PRIM2: variants seen among roughly 807,000 people sequenced by gnomAD.
The protein encoded by PRIM2 is DNA primase subunit 2.
In PRIM2, 39 loss-of-function variants were observed where a neutral mutation model predicts 67.3. The observed-to-expected ratio is 0.58, with a 90% CI of 0.45 to 0.76. The LOEUF is 0.76. PRIM2 is among the 30% of genes least tolerant of loss of function. The pLI, the probability that PRIM2 is intolerant of heterozygous loss-of-function variation, is 0.00. For missense variants in PRIM2, 398 were observed against 598.7 expected (o/e 0.66, Z 3.50); for synonymous variants, 143 against 198.7 (o/e 0.72, Z 2.36).
At chr6:57,265,572 C>G in the PRIM2 span, among the ~76,000 whole-genome samples, 1 of 152,168 alleles carries the variant, frequency 6.6e-6, no homozygotes, top group South Asian at 2.1e-4. Flanking sequence ...TAGACTTTGA[C>G]AATTCTAGGG....
At chr6:57,314,445 G>A (rs189603791), upstream of PRIM2, among the ~76,000 whole-genome samples, 83 of 152,374 alleles carry the variant, frequency 5.4e-4, no homozygotes, top group Middle Eastern at 3.4e-3. Flanking sequence ...GAACCCAGGA[G>A]TTGGAGGTTG....
chr6:57,222,385 C>A, the PRIM2 span: 1 of 152,432 alleles, frequency 6.6e-6, no homozygotes, highest in African/African-American at 2.4e-5. Context: ...TGGCTGGCGG[C>A]GGCTCAGCTT....
chr6:57,336,945 G>A lies in PRIM2; in HGVS notation c.459+10900G>A, dbSNP rs1768275565. Among the ~76,000 whole-genome samples the A allele has an allele frequency of 2.0e-5, 3 of 152,100 alleles. No homozygotes were observed. In the South Asian group the frequency reaches 6.2e-4, roughly 32 times the overall value. ...GGATAAAGAGTCAAGACCCATCAGT[G>A]TGCTGTATTCAGGAAACCCATCTCA... On this transcript the variant is annotated intron_variant, in intron 5 of 13. Coordinates refer to ENST00000615550, the MANE Select transcript of PRIM2 (RefSeq NM_000947.5).
At chr6:57,435,952 T>G (rs1292896715) in intron 7 of PRIM2, among the ~76,000 whole-genome samples, 1 of 152,238 alleles carries the variant, frequency 6.6e-6, no homozygotes, top group Non-Finnish European at 1.5e-5. Context: ...AGCTGATGCT[T>G]GATTTGCCTT....
chr6:57,398,944 G>A (rs1770614910), intron 7 of PRIM2, among the ~76,000 whole-genome samples: 1 of 151,622 alleles, frequency 6.6e-6, no homozygotes, highest in African/African-American at 2.4e-5. Flanking sequence ...TTTGAATTCT[G>A]TTTTGTCTGA....
At chr6:57,526,952 C>G (rs1222588797) in intron 8 of PRIM2, among the ~76,000 whole-genome samples, 2 of 152,060 alleles carry the variant, frequency 1.3e-5, no homozygotes, top group Non-Finnish European at 2.9e-5. Flanking sequence ...ATTTATTTGG[C>G]AGCAGTATGA....
chr6:57,261,104 G>A, the PRIM2 span, among the ~76,000 whole-genome samples: 1 of 152,162 alleles, frequency 6.6e-6, no homozygotes, highest in East Asian at 1.9e-4. Flanking sequence ...GAAGGTTGAG[G>A]CTCTCCCATG....
At chr6:57,379,130 TG>T (rs1454460854) in intron 5 of PRIM2, among the ~76,000 whole-genome samples, 1 of 117,632 alleles carries the variant, frequency 8.5e-6, no homozygotes, top group African/African-American at 3.3e-5. Flanking sequence ...TTTACCATTT[TG>T]ATAGATGGAA....
chr6:57,262,507 C>T, the PRIM2 span, among the ~76,000 whole-genome samples: 4 of 152,158 alleles, frequency 2.6e-5, no homozygotes, highest in African/African-American at 9.7e-5. Context: ...GCCCCAGCTC[C>T]CACATGTCCA....
chr6:57,291,510 A>T, the PRIM2 span, among the ~76,000 whole-genome samples: 3 of 152,210 alleles, frequency 2.0e-5, no homozygotes, highest in African/African-American at 7.2e-5. Flanking sequence ...GGCCAGCATC[A>T]TCCTGATACC....
chr6:57,551,842 A>T (rs1350493046), intron 10 of PRIM2, among the ~76,000 whole-genome samples: 3 of 152,206 alleles, frequency 2.0e-5, no homozygotes, highest in African/African-American at 7.2e-5. Context: ...TAGGGTGGTC[A>T]TGGAAGGCTT....
chr6:57,290,853 T>C, the PRIM2 span, among the ~76,000 whole-genome samples: 3 of 152,080 alleles, frequency 2.0e-5, no homozygotes, highest in Admixed American at 1.3e-4. Context: ...TTTAAAGCAG[T>C]GTGTAGAGGA....
chr6:57,333,489 C>CT (rs1404907342), intron 5 of PRIM2, among the ~76,000 whole-genome samples: 5 of 152,074 alleles, frequency 3.3e-5, no homozygotes, highest in Admixed American at 2.6e-4. Flanking sequence ...ATGTCTGCAC[C>CT]TTTTTTCACT....
chr6:57,345,472 ATATGTGTG>A (rs1768642479), intron 5 of PRIM2, among the ~76,000 whole-genome samples: 2 of 79,842 alleles, frequency 2.5e-5, no homozygotes, highest in African/African-American at 1.1e-4. Flanking sequence ...TGATATATAT[ATATGTGTG>A]TGTGTGTGTG....
chr6:57,521,367 GTTTTTTT>G (rs1163114437), intron 8 of PRIM2, among the ~76,000 whole-genome samples: 6 of 97,956 alleles, frequency 6.1e-5, no homozygotes, highest in Admixed American at 2.8e-4. Flanking sequence ...TGTGGTTAGG[GTTTTTTT>G]TTTTTTTTTT....
intron 7 of PRIM2, among the ~76,000 whole-genome samples, chr6:57,404,246 T>C (rs1480350327): frequency 1.9e-4 from 18 of 94,406 alleles, no homozygotes; most frequent in Non-Finnish European, 3.4e-4. Flanking sequence ...CTCAAGTTCA[T>C]TGCCTGTTCT....
the PRIM2 span, among the ~76,000 whole-genome samples, chr6:57,287,282 C>A: frequency 6.6e-6 from 1 of 152,196 alleles, no homozygotes; most frequent in Non-Finnish European, 1.5e-5. Context: ...GATTGTAAAT[C>A]ATTCTACCAT....
At position 57,550,303 on chromosome 6, in the gene PRIM2, CTT is replaced by C. The variant is rs1195289676; in HGVS notation, c.1020+12679_1020+12680del. Among the ~76,000 whole-genome samples, 213 of 152,184 alleles carry C rather than the reference CTT, an allele frequency of 1.4e-3. 5 individuals are homozygous for C. The East Asian group carries it at 0.019, about 14-fold the overall frequency. On this transcript the variant is annotated intron_variant, in intron 10 of 13. Transcript: ENST00000615550. ...TGTATGTTAAGGGTTTAATTCTTCT[CTT>C]GATGCTTTCCATAGCATGTGGAATA...
At chr6:57,501,797 G>C (rs1774138054) in intron 7 of PRIM2, among the ~76,000 whole-genome samples, 2 of 152,030 alleles carry the variant, frequency 1.3e-5, no homozygotes, top group African/African-American at 4.8e-5. Flanking sequence ...TCTTTACATT[G>C]GTCTGAGTCT....
Sources: gnomAD v4.1 joint callset for allele counts (sites outside exome capture counted in the v4.1 genomes callset) on GRCh38, gnomAD v4.1.1 for gene constraint, MANE v1.5 for transcripts, NCBI Gene and HGNC (gene_info 2026-07-23, HGNC 2026-07-21) for gene names.